The following MAP2 variants were observed in gnomAD, a reference collection of about 807,000 sequenced individuals.
The protein encoded by MAP2 is microtubule-associated protein 2.
In MAP2, 14 loss-of-function variants were observed where a neutral mutation model predicts 137.6. That is an observed-to-expected ratio of 0.10 (90% confidence interval 0.07 to 0.16). The LOEUF (loss-of-function observed/expected upper bound fraction) is 0.16, where lower values mean the gene tolerates loss of function less well. Among genes scored for constraint, MAP2 ranks in the 10% least tolerant of loss-of-function variants. The pLI, the probability that MAP2 is intolerant of heterozygous loss-of-function variation, is 1.00. For synonymous variants in MAP2, 786 were observed against 782.3 expected (o/e 1.00, Z -0.08); for missense variants, 2,088 against 2,191.5 (o/e 0.95, Z 0.94).
intron 1 of MAP2, among the ~76,000 whole-genome samples, chr2:209,443,363 GGCATATACTATGTA>G (rs1698283367): frequency 6.6e-6 from 1 of 151,468 alleles, no homozygotes; most frequent in African/African-American, 2.4e-5. Flanking sequence ...CAGAGTGCCT[GGCATATACTATGTA>G]CTGAATAATT....
At chr2:209,520,336 C>A (rs183370531) in intron 2 of MAP2, among the ~76,000 whole-genome samples, 21 of 152,180 alleles carry the variant, frequency 1.4e-4, no homozygotes, top group African/African-American at 5.1e-4. Flanking sequence ...TAAAAGCATT[C>A]TTTTCCTCAC....
intron 3 of MAP2, among the ~76,000 whole-genome samples, chr2:209,615,610 G>A (rs2088971358): frequency 6.6e-6 from 1 of 152,158 alleles, no homozygotes; most frequent in Admixed American, 6.5e-5. Context: ...TATAGGGGAA[G>A]TCTCATTAAT....
chr2:209,695,125 T>A lies in MAP2; in HGVS notation c.2955T>A (p.Asp985Glu), dbSNP rs978133298. ...EHAKKTEEAG[D>E]EIETFGLGVT... ...CCAAGAAAACTGAAGAGGCTGGTGA[T>A]GAAATAGAAACATTCGGATTAGGAG... The change falls in exon 8 of 16, where the codon GAT becomes GAA. Residue 985 changes from aspartate to glutamate, a missense_variant. Physicochemically the swap from Asp to Glu is conservative, Grantham distance 45. This residue lies in a region of MAP2 where 500 missense variants were observed against 482.9 expected (regional missense o/e 1.04). Transcript: ENST00000682079. The A allele has an allele frequency of 8.7e-6, 14 of 1,614,010 alleles. No individual in the cohort carries two copies. The highest frequency in any genetic ancestry group is 4.4e-5 in the South Asian group (4 of 91,078).
intron 2 of MAP2, among the ~76,000 whole-genome samples, chr2:209,560,144 T>C (rs757171114): frequency 2.0e-5 from 3 of 152,192 alleles, no homozygotes; most frequent in Non-Finnish European, 4.4e-5. Flanking sequence ...ACTCTGAGAC[T>C]AAACAGAACA....
At chr2:209,481,420 G>C (rs1237873914) in intron 1 of MAP2, among the ~76,000 whole-genome samples, 1 of 152,204 alleles carries the variant, frequency 6.6e-6, no homozygotes, top group Admixed American at 6.5e-5. Context: ...ACTTCCTGTG[G>C]CTAGGACATT....
intron 11 of MAP2, among the ~76,000 whole-genome samples, chr2:209,702,308 G>A (rs183421209): frequency 5.5e-4 from 84 of 151,944 alleles, no homozygotes; most frequent in African/African-American, 1.9e-3. Context: ...AGCAAAATTA[G>A]CCCTTCATTC....
chr2:209,490,440 G>C (rs900442578), intron 1 of MAP2, among the ~76,000 whole-genome samples: 1 of 151,444 alleles, frequency 6.6e-6, no homozygotes, highest in Non-Finnish European at 1.5e-5. Context: ...CGAACCTTAA[G>C]TGTAAATGGG....
At chr2:209,628,397 A>G (rs1376642733) in intron 4 of MAP2, among the ~76,000 whole-genome samples, 2 of 152,148 alleles carry the variant, frequency 1.3e-5, no homozygotes, top group African/African-American at 4.8e-5. Flanking sequence ...AACAACCACC[A>G]CCTGTTAAAG....
At chr2:209,471,058 T>C (rs1705583594) in intron 1 of MAP2, among the ~76,000 whole-genome samples, 1 of 152,226 alleles carries the variant, frequency 6.6e-6, no homozygotes, top group Non-Finnish European at 1.5e-5. Context: ...AATCTTTCTA[T>C]GACTGACAAG....
chr2:209,723,919 T>C (rs1313202275), intron 13 of MAP2, among the ~76,000 whole-genome samples: 2 of 152,198 alleles, frequency 1.3e-5, no homozygotes, highest in African/African-American at 4.8e-5. Flanking sequence ...AAGAAAACCT[T>C]GATGGGATGC....
chr2:209,719,010 A>G (rs749827929), intron 13 of MAP2, among the ~76,000 whole-genome samples: 2 of 152,212 alleles, frequency 1.3e-5, no homozygotes, highest in Non-Finnish European at 2.9e-5. Context: ...CTTAAAATGA[A>G]TATTATGAAA....
At chr2:209,547,067 C>T (rs183448387) in intron 2 of MAP2, among the ~76,000 whole-genome samples, 5 of 152,010 alleles carry the variant, frequency 3.3e-5, no homozygotes, top group Admixed American at 2.6e-4. Context: ...GGAAAAATTG[C>T]TCCAATTATA....
At chr2:209,640,993 C>T (rs982037605) in intron 4 of MAP2, among the ~76,000 whole-genome samples, 1 of 151,598 alleles carries the variant, frequency 6.6e-6, no homozygotes, top group East Asian at 1.9e-4. Context: ...ATATGGCCTC[C>T]AAGTTTACCT....
chr2:209,502,073 C>T (rs1309854957), intron 1 of MAP2, among the ~76,000 whole-genome samples: 1 of 152,114 alleles, frequency 6.6e-6, no homozygotes, highest in East Asian at 1.9e-4. Context: ...ACATGTCTGT[C>T]TCCTCACACA....
intron 1 of MAP2, among the ~76,000 whole-genome samples, chr2:209,433,479 G>A (rs962516823): frequency 3.3e-5 from 5 of 152,060 alleles, no homozygotes; most frequent in African/African-American, 7.2e-5. Flanking sequence ...GCAGGTACCA[G>A]GCCACATTGG....
At chr2:209,690,453 T>C (rs1414051195) in intron 7 of MAP2, 1 of 448,380 alleles carries the variant, frequency 2.2e-6, no homozygotes, top group Admixed American at 4.1e-5. Flanking sequence ...ATTAGAATAT[T>C]AATTTGTTCA....
Position 209,653,429 on chromosome 2 carries a change from G to C in MAP2, c.259G>C (p.Ala87Pro). 1 of 1,594,814 alleles carries C rather than the reference G, an allele frequency of 6.3e-7. No homozygotes were observed. Among genetic ancestry groups the C allele is most frequent in the Non-Finnish European group, 8.6e-7 (1 of 1,169,528 alleles). The stretch of plus-strand genomic sequence containing the variant: ...GCTGACCTCAGCTGACAGAGAAACA[G>C]CAGGTAACTAAGGGCTCTACTGTCA... ...GELTSADRET[A>P]EEVSARIVQV... is the part of the protein sequence containing the mutation. Residue 87 changes from alanine to proline, a missense_variant, in exon 5 of 16, where the codon GCA (alanine) becomes CCA (proline). Physicochemically the swap from Ala to Pro is conservative, Grantham distance 27. This residue lies in a region of MAP2 where 859 missense variants were observed against 794.5 expected (regional missense o/e 1.08). Coordinates refer to ENST00000682079, the MANE Select transcript of MAP2 (RefSeq NM_001375505.1).
chr2:209,434,852 ATATATATATGTTATATATATGT>A lies in MAP2; in HGVS notation c.-222+10608_-222+10629del, dbSNP rs1229628172. ...CTCTCTCTATATATATATATATGTT[ATATATATATGTTATATATATGT>A]TATATATATGTTATATATATGTTAT... On this transcript the variant is annotated intron_variant, in intron 1 of 15. Coordinates refer to ENST00000682079, the MANE Select transcript of MAP2 (RefSeq NM_001375505.1). 9.4e-4 allele frequency among the ~76,000 whole-genome samples: 90 copies of A among 95,294 alleles called. 3 individuals are homozygous for A. Among genetic ancestry groups the A allele is most frequent in the African/African-American group, 1.9e-3 (24 of 12,766 alleles). The allele number at this position is 95,294 out of a possible 152,430, so 62.5% of individuals were successfully genotyped here.
intron 2 of MAP2, among the ~76,000 whole-genome samples, chr2:209,535,191 C>A (rs1284194277): frequency 6.6e-6 from 1 of 152,058 alleles, no homozygotes; most frequent in Non-Finnish European, 1.5e-5. Flanking sequence ...AATATGTGAA[C>A]ATTGGTGACT....
Sources: allele counts gnomAD v4.1 joint callset (sites outside exome capture counted in the v4.1 genomes callset), GRCh38; gene constraint gnomAD v4.1.1; regional missense constraint gnomAD v4.1.1; transcripts MANE v1.5; gene names NCBI Gene and HGNC (gene_info 2026-07-23, HGNC 2026-07-21).